UNC13C: variants seen among roughly 807,000 people sequenced by gnomAD.
UNC13C encodes protein unc-13 homolog C.
In UNC13C, 174 loss-of-function variants were observed where a neutral mutation model predicts 245.4. That is an observed-to-expected ratio of 0.71 (90% CI 0.63 to 0.80). The LOEUF is 0.80. Ranked by LOEUF, UNC13C falls within the 30% of genes least tolerant of loss-of-function variation. UNC13C has a pLI of 0.00. For synonymous variants in UNC13C, 992 were observed against 895.1 expected (o/e 1.11, Z -1.93); for missense variants, 2,829 against 2,602.9 (o/e 1.09, Z -1.89).
At chr15:54,343,794 C>T (rs1345993406) in intron 17 of UNC13C, among the ~76,000 whole-genome samples, 1 of 152,096 alleles carries the variant, frequency 6.6e-6, no homozygotes, top group African/African-American at 2.4e-5. Flanking sequence ...TTGGGCTCAA[C>T]TATGAATACC....
intron 19 of UNC13C, among the ~76,000 whole-genome samples, chr15:54,483,326 T>G (rs1280180453): frequency 1.3e-5 from 2 of 152,228 alleles, no homozygotes; most frequent in Non-Finnish European, 2.9e-5. Context: ...TATATTCACC[T>G]GAATGCTTAT....
chr15:54,269,755 A>G (rs2036638139), intron 10 of UNC13C, among the ~76,000 whole-genome samples: 1 of 152,114 alleles, frequency 6.6e-6, no homozygotes. Flanking sequence ...TATCTGTATT[A>G]TTATTGGCAG....
intron 19 of UNC13C, among the ~76,000 whole-genome samples, chr15:54,463,761 G>C (rs976567239): frequency 1.3e-5 from 2 of 152,052 alleles, no homozygotes; most frequent in Non-Finnish European, 2.9e-5. Flanking sequence ...CACCAATTCC[G>C]GACACAAAAT....
chr15:54,625,229 C>T (rs62024029), intron 32 of UNC13C, among the ~76,000 whole-genome samples: 3 of 152,064 alleles, frequency 2.0e-5, no homozygotes, highest in Non-Finnish European at 2.9e-5. Context: ...CACTGCCAAC[C>T]TCTTGATGGG....
At position 54,076,741 on chromosome 15, in the gene UNC13C, C is replaced by G. The variant is rs1898649519; in HGVS notation, c.2983+60855C>G. Among the ~76,000 whole-genome samples, 4 of 152,212 alleles carry G rather than the reference C, an allele frequency of 2.6e-5. No individual in the cohort carries two copies. The South Asian group carries it at 8.3e-4, about 32-fold the overall frequency. ...CCAACACACAAATACACACCTTTAC[C>G]TTCATTTCCATGTTCGGTTTTAGGT... On this transcript the variant is annotated intron_variant, in intron 2 of 32. Transcript: ENST00000260323.
At position 54,309,518 on chromosome 15, in the gene UNC13C, A is replaced by G. The variant is rs2037813709; in HGVS notation, c.4268+9145A>G. Reference sequence around the variant, plus strand: ...AAGCTTTTTAGGTTAATTCAATCCCATTGTCTATTTTTGCTTTTGTTGCCT... The same window carrying G: ...AAGCTTTTTAGGTTAATTCAATCCCGTTGTCTATTTTTGCTTTTGTTGCCT... On this transcript the variant is annotated intron_variant, in intron 13 of 32. Coordinates refer to ENST00000260323, the MANE Select transcript of UNC13C (RefSeq NM_001080534.3). Among the ~76,000 whole-genome samples the G allele has an allele frequency of 1.3e-5, 2 of 151,716 alleles. 1 individual carries two copies. The highest frequency in any genetic ancestry group is 1.3e-4 in the Admixed American group (2 of 15,170).
chr15:54,482,998 A>C (rs1893209737), intron 19 of UNC13C, among the ~76,000 whole-genome samples: 1 of 152,218 alleles, frequency 6.6e-6, no homozygotes, highest in African/African-American at 2.4e-5. Flanking sequence ...ATTTGTCAGA[A>C]GTGCTCTAAA....
At chr15:54,077,581 G>A (rs548086126) in intron 2 of UNC13C, among the ~76,000 whole-genome samples, 2 of 151,612 alleles carry the variant, frequency 1.3e-5, no homozygotes, top group East Asian at 3.9e-4. Flanking sequence ...ATGTTGCCCA[G>A]GCTGCTCTCA....
At chr15:54,493,826 A>C (rs1893831401) in intron 19 of UNC13C, among the ~76,000 whole-genome samples, 1 of 152,072 alleles carries the variant, frequency 6.6e-6, no homozygotes, top group African/African-American at 2.4e-5. Context: ...ATTTGTCTCT[A>C]TTCCCCAGCC....
At chr15:53,995,670 G>T (rs971569497) in intron 1 of UNC13C, among the ~76,000 whole-genome samples, 1 of 152,128 alleles carries the variant, frequency 6.6e-6, no homozygotes, top group African/African-American at 2.4e-5. Context: ...AGTAGCTGTG[G>T]TCAGAGAGAG....
At chr15:54,048,676 C>A in intron 2 of UNC13C, 1 of 331,344 alleles carries the variant, frequency 3.0e-6, no homozygotes, top group South Asian at 3.3e-5. Context: ...ATTGTTTGCT[C>A]CTCAACAAAG....
At chr15:54,328,944 A>C (rs995067071) in intron 14 of UNC13C, among the ~76,000 whole-genome samples, 1 of 152,106 alleles carries the variant, frequency 6.6e-6, no homozygotes, top group African/African-American at 2.4e-5. Context: ...CATATTGTCT[A>C]TGGCAGCTAC....
intron 4 of UNC13C, among the ~76,000 whole-genome samples, chr15:54,162,677 C>G (rs1320485444): frequency 2.0e-5 from 3 of 152,174 alleles, no homozygotes; most frequent in Non-Finnish European, 2.9e-5. Flanking sequence ...GGAACTTTCT[C>G]CATCTCCTTC....
intron 19 of UNC13C, among the ~76,000 whole-genome samples, chr15:54,419,910 T>C (rs1418306459): frequency 6.6e-6 from 1 of 152,112 alleles, no homozygotes; most frequent in Admixed American, 6.6e-5. Flanking sequence ...ACAACTTTTT[T>C]TCTTTCTCTC....
At chr15:54,491,917 G>A (rs1340248035) in intron 19 of UNC13C, among the ~76,000 whole-genome samples, 2 of 150,512 alleles carry the variant, frequency 1.3e-5, no homozygotes, top group East Asian at 2.0e-4. Context: ...GTGTCAACCC[G>A]GGAGGCGGAG....
chr15:54,551,745 T>G (rs930214704), intron 28 of UNC13C, among the ~76,000 whole-genome samples: 1 of 152,088 alleles, frequency 6.6e-6, no homozygotes, highest in African/African-American at 2.4e-5. Flanking sequence ...TGTATCATAT[T>G]CCATTATTGG....
chr15:54,619,805 C>T (rs12101374), intron 30 of UNC13C, among the ~76,000 whole-genome samples: 21,093 of 152,026 alleles, frequency 0.14, 1,512 homozygotes, highest in Middle Eastern at 0.24. Context: ...GTATGGATTA[C>T]TAATAATAAA....
the UNC13C span, among the ~76,000 whole-genome samples, chr15:53,943,868 T>C: frequency 2.6e-5 from 4 of 152,138 alleles, no homozygotes; most frequent in Non-Finnish European, 5.9e-5. Context: ...GACTCTGGAA[T>C]GTCTAAGTAT....
At chr15:54,114,992 G>A (rs531120384) in intron 2 of UNC13C, among the ~76,000 whole-genome samples, 1 of 152,132 alleles carries the variant, frequency 6.6e-6, no homozygotes, top group African/African-American at 2.4e-5. Flanking sequence ...AATTTAAAAT[G>A]CATTCCCCAC....
Sources: allele counts gnomAD v4.1 joint callset (sites outside exome capture counted in the v4.1 genomes callset), GRCh38; gene constraint gnomAD v4.1.1; transcripts MANE v1.5; gene names NCBI Gene and HGNC (gene_info 2026-07-23, HGNC 2026-07-21).